The following CRB1 variants were observed in gnomAD, a reference collection of about 807,000 sequenced individuals.
The protein encoded by CRB1 is crumbs cell polarity complex component 1.
In CRB1, 83 loss-of-function variants were observed where a neutral mutation model predicts 120.0. The ratio of observed to expected loss-of-function variants is 0.69; its 90% CI spans 0.58 to 0.83. The LOEUF (loss-of-function observed/expected upper bound fraction) is 0.83. Among genes scored for constraint, CRB1 ranks in the 40% least tolerant of loss-of-function variants. CRB1 has a pLI of 0.00. For synonymous variants in CRB1, 625 were observed against 612.5 expected (o/e 1.02, Z -0.30); for missense variants, 1,699 against 1,687.6 (o/e 1.01, Z -0.12).
intron 11 of CRB1, among the ~76,000 whole-genome samples, chr1:197,450,876 C>A (rs1665935016): frequency 7.6e-6 from 1 of 130,904 alleles, no homozygotes; most frequent in African/African-American, 2.9e-5. Flanking sequence ...AGGAGAATGG[C>A]GTGAACCCGG....
At chr1:197,452,793 A>G (rs1281510038) in intron 11 of CRB1, among the ~76,000 whole-genome samples, 1 of 152,174 alleles carries the variant, frequency 6.6e-6, no homozygotes, top group Non-Finnish European at 1.5e-5. Context: ...TGGTTCAGCC[A>G]CTATAAAAAC....
chr1:197,464,368 G>A (rs569629833), intron 11 of CRB1, among the ~76,000 whole-genome samples: 5 of 152,102 alleles, frequency 3.3e-5, no homozygotes, highest in Non-Finnish European at 7.4e-5. Context: ...TTCAGGCCTA[G>A]TGACTAATCA....
intron 5 of CRB1, among the ~76,000 whole-genome samples, chr1:197,379,801 G>C (rs2476018): frequency 0.065 from 9,921 of 152,092 alleles, 1,134 homozygotes; most frequent in African/African-American, 0.23. Context: ...TCCTTGCACT[G>C]GGTAAGCTTT....
chr1:197,283,074 A>G (rs1467814921), intron 1 of CRB1, among the ~76,000 whole-genome samples: 1 of 151,692 alleles, frequency 6.6e-6, no homozygotes, highest in Non-Finnish European at 1.5e-5. Context: ...CACTTAGTCA[A>G]AAGGTCATTT....
chr1:197,253,322 A>G, the CRB1 span, among the ~76,000 whole-genome samples: 2 of 152,090 alleles, frequency 1.3e-5, no homozygotes, highest in Non-Finnish European at 2.9e-5. Flanking sequence ...TTAAAAGTCT[A>G]TTTAAAATGG....
intron 5 of CRB1, among the ~76,000 whole-genome samples, chr1:197,417,707 G>A (rs999724388): frequency 6.6e-6 from 1 of 152,112 alleles, no homozygotes; most frequent in African/African-American, 2.4e-5. Context: ...ACACCTCCCA[G>A]TCTCAGAAAC....
At chr1:197,230,269 A>G in the CRB1 span, among the ~76,000 whole-genome samples, 2 of 152,220 alleles carry the variant, frequency 1.3e-5, no homozygotes, top group African/African-American at 4.8e-5. Context: ...GAAAAATACA[A>G]TTGGAGAAAT....
chr1:197,395,507 G>A (rs1662727028), intron 5 of CRB1, among the ~76,000 whole-genome samples: 1 of 152,070 alleles, frequency 6.6e-6, no homozygotes, highest in African/African-American at 2.4e-5. Flanking sequence ...TCCCAAGTTG[G>A]AACATGAGAT....
At chr1:197,377,111 TC>T (rs755566524) in intron 5 of CRB1, among the ~76,000 whole-genome samples, 17 of 152,128 alleles carry the variant, frequency 1.1e-4, no homozygotes, top group Admixed American at 2.0e-4. Context: ...GCCACCTCTC[TC>T]TGCACCCCAA....
chr1:197,223,248 T>C, the CRB1 span: 2 of 1,011,250 alleles, frequency 2.0e-6, no homozygotes, highest in Non-Finnish European at 3.1e-6. Context: ...AAGATTCGAA[T>C]AGATTGAATA....
intron 1 of CRB1, among the ~76,000 whole-genome samples, chr1:197,299,873 C>A (rs543006849): frequency 6.6e-6 from 1 of 151,116 alleles, no homozygotes; most frequent in East Asian, 2.0e-4. Context: ...CAGCATCAAG[C>A]AATAGCATGT....
intron 1 of CRB1, among the ~76,000 whole-genome samples, chr1:197,274,809 C>G (rs1439637156): frequency 6.6e-6 from 1 of 152,048 alleles, no homozygotes; most frequent in Non-Finnish European, 1.5e-5. Flanking sequence ...ATAGATGTAG[C>G]ACGGTTTGCT....
In CRB1 at chr1:197,275,670, C is replaced by A. The variant is rs1655162857; in HGVS notation, c.70+7188C>A. Among the ~76,000 whole-genome samples the A allele has an allele frequency of 1.3e-5, 2 of 152,080 alleles. 1 individual carries two copies. The highest frequency in any genetic ancestry group is 4.1e-4 in the South Asian group (2 of 4,826). On this transcript the variant is annotated intron_variant, in intron 1 of 11. Coordinates refer to ENST00000367400, the MANE Select transcript of CRB1 (RefSeq NM_201253.3). The stretch of plus-strand genomic sequence containing the variant: ...AGTCTGATCAATATGTAAAATAGCA[C>A]TAGAATTAGGTGTAAACATGCCTCC...
At chr1:197,212,727 T>G in the CRB1 span, among the ~76,000 whole-genome samples, 5 of 152,146 alleles carry the variant, frequency 3.3e-5, no homozygotes, top group Non-Finnish European at 7.4e-5. Context: ...TTATACACTT[T>G]AAATGTACAC....
chr1:197,469,707 G>A (rs1666899869), intron 11 of CRB1, among the ~76,000 whole-genome samples: 1 of 152,206 alleles, frequency 6.6e-6, no homozygotes. Context: ...ATGTCCAGTA[G>A]TTCACCTAAC....
At chr1:197,449,511 C>T (rs1665853973) in intron 11 of CRB1, among the ~76,000 whole-genome samples, 2 of 152,086 alleles carry the variant, frequency 1.3e-5, no homozygotes, top group African/African-American at 4.8e-5. Context: ...GGATTACAGG[C>T]GCCGGCCACC....
intron 5 of CRB1, among the ~76,000 whole-genome samples, chr1:197,384,085 G>C (rs566662427): frequency 6.6e-6 from 1 of 152,238 alleles, no homozygotes; most frequent in Admixed American, 6.5e-5. Context: ...ACATCCTTAA[G>C]TTAGAAAATT....
rs963773869 is a variant in CRB1 at position 197,387,513 on chromosome 1, T to A, written c.1171+30500T>A. Among the ~76,000 whole-genome samples, 6 of 152,054 alleles carry A rather than the reference T, an allele frequency of 3.9e-5. No homozygotes were observed. The South Asian group carries it at 6.2e-4, about 16-fold the overall frequency. Reference sequence around the variant, plus strand: ...GTGCCGCTCCATAGAATTCTCTAAATCTCTCTACATCTTTTTTGGAGCTAT... The same window carrying A: ...GTGCCGCTCCATAGAATTCTCTAAAACTCTCTACATCTTTTTTGGAGCTAT... On this transcript the variant is annotated intron_variant, in intron 5 of 11. Transcript: ENST00000367400.
At chr1:197,322,278 C>T (rs889673283) in intron 1 of CRB1, among the ~76,000 whole-genome samples, 2 of 151,800 alleles carry the variant, frequency 1.3e-5, no homozygotes, top group Admixed American at 1.3e-4. Flanking sequence ...ACCAGGAGTT[C>T]GAGACAAGCC....
Sources: allele counts gnomAD v4.1 joint callset (sites outside exome capture counted in the v4.1 genomes callset), GRCh38; gene constraint gnomAD v4.1.1; transcripts MANE v1.5; gene names NCBI Gene and HGNC (gene_info 2026-07-23, HGNC 2026-07-21).